Variants in SERPINI1 observed in about 807,000 individuals in gnomAD.
SERPINI1 encodes the protein serpin family I member 1, also known as neuroserpin.
SERPINI1 carries 19 observed loss-of-function variants against 41.1 expected under a neutral mutation model. The ratio of observed to expected loss-of-function variants is 0.46; its 90% confidence interval spans 0.32 to 0.68. The LOEUF (loss-of-function observed/expected upper bound fraction) is 0.68, where lower values mean the gene tolerates loss of function less well. SERPINI1 is among the 30% of genes least tolerant of loss of function. The probability of loss-of-function intolerance (pLI) is 0.03; values close to 1 mark genes in which losing one functional copy is unlikely to be tolerated. For missense variants in SERPINI1, 460 were observed against 479.2 expected (o/e 0.96, Z 0.37); for synonymous variants, 138 against 156.6 (o/e 0.88, Z 0.89).
intron 6 of SERPINI1, among the ~76,000 whole-genome samples, chr3:167,811,506 A>G (rs1033852612): frequency 6.6e-6 from 1 of 152,114 alleles, no homozygotes; most frequent in African/African-American, 2.4e-5. Context: ...AGAACAATAT[A>G]TGTATGTATA....
At chr3:167,739,833 G>C (rs911069082) in intron 1 of SERPINI1, among the ~76,000 whole-genome samples, 2 of 152,020 alleles carry the variant, frequency 1.3e-5, no homozygotes, top group African/African-American at 4.8e-5. Flanking sequence ...ATTGGTGTTA[G>C]AATTAAGAAT....
At chr3:167,759,899 C>A (rs1406937441) in intron 1 of SERPINI1, among the ~76,000 whole-genome samples, 2 of 152,134 alleles carry the variant, frequency 1.3e-5, no homozygotes, top group Non-Finnish European at 2.9e-5. Flanking sequence ...TGTTTTTATT[C>A]ATATTCTGAC....
At chr3:167,813,378 G>A (rs1342386618) in intron 6 of SERPINI1, among the ~76,000 whole-genome samples, 2 of 152,104 alleles carry the variant, frequency 1.3e-5, no homozygotes, top group African/African-American at 4.8e-5. Context: ...TAGCATCATC[G>A]TCAAAGCTCT....
intron 1 of SERPINI1, among the ~76,000 whole-genome samples, chr3:167,765,672 A>G (rs191409964): frequency 1.3e-3 from 198 of 152,370 alleles, no homozygotes; most frequent in Non-Finnish European, 1.6e-3. Context: ...CTCAAAAAAT[A>G]GAATTTTCTT....
chr3:167,818,905 G>T (rs1712218925), intron 6 of SERPINI1, among the ~76,000 whole-genome samples: 1 of 152,146 alleles, frequency 6.6e-6, no homozygotes, highest in Non-Finnish European at 1.5e-5. Flanking sequence ...ATATTATGTG[G>T]TGTCTTTGAG....
At chr3:167,793,596 A>ATATATATATATATATATATTTTTTTTT in intron 4 of SERPINI1, among the ~76,000 whole-genome samples, 1 of 140,610 alleles carries the variant, frequency 7.1e-6, no homozygotes, top group African/African-American at 2.7e-5. Flanking sequence ...ATATATATAT[A>ATATATATATATATATATATTTTTTTTT]TTTTTAATTA....
chr3:167,756,195 C>T (rs1174104370), intron 1 of SERPINI1, among the ~76,000 whole-genome samples: 1 of 152,176 alleles, frequency 6.6e-6, no homozygotes, highest in African/African-American at 2.4e-5. Flanking sequence ...AATTCAGCTG[C>T]TTTCAGTCAA....
At chr3:167,782,905 G>A (rs1049369177) in intron 1 of SERPINI1, among the ~76,000 whole-genome samples, 1 of 152,136 alleles carries the variant, frequency 6.6e-6, no homozygotes, top group African/African-American at 2.4e-5. Context: ...GATGCAAAAC[G>A]GAGTCTGGCT....
intron 1 of SERPINI1, among the ~76,000 whole-genome samples, chr3:167,755,758 T>C (rs188920132): frequency 2.0e-5 from 3 of 152,144 alleles, no homozygotes; most frequent in Admixed American, 2.0e-4. Context: ...ACCTAAAGCC[T>C]ATATTATTAG....
At chr3:167,802,887 A>G (rs951832094) in intron 5 of SERPINI1, among the ~76,000 whole-genome samples, 1 of 150,394 alleles carries the variant, frequency 6.6e-6, no homozygotes, top group Non-Finnish European at 1.5e-5. Context: ...CAAATGTCCA[A>G]CAATGATAGA....
chr3:167,756,279 T>A (rs1160675219), intron 1 of SERPINI1, among the ~76,000 whole-genome samples: 4 of 152,036 alleles, frequency 2.6e-5, no homozygotes, highest in Non-Finnish European at 4.4e-5. Flanking sequence ...ATTTTACAAT[T>A]TCTCCCACCA....
intron 1 of SERPINI1, among the ~76,000 whole-genome samples, chr3:167,772,891 T>TAC (rs1726829499): frequency 4.1e-5 from 3 of 73,692 alleles, no homozygotes; most frequent in East Asian, 3.8e-4. Flanking sequence ...TATATATATA[T>TAC]ATACACACAC....
At chr3:167,761,056 G>A (rs1726364394) in intron 1 of SERPINI1, among the ~76,000 whole-genome samples, 1 of 152,152 alleles carries the variant, frequency 6.6e-6, no homozygotes, top group Non-Finnish European at 1.5e-5. Flanking sequence ...CCTAGAGAGG[G>A]AGAAAACAGT....
At chr3:167,801,124 T>C (rs562064412) in intron 5 of SERPINI1, among the ~76,000 whole-genome samples, 20 of 152,340 alleles carry the variant, frequency 1.3e-4, no homozygotes, top group Non-Finnish European at 2.2e-4. Flanking sequence ...GGCCCTGATT[T>C]TGTTTTTTAA....
rs762267952 is a variant in SERPINI1, at chr3:167,792,778, T to A, written c.670T>A (p.Tyr224Asn). ...IPMMYQQGEF[Y>N]YGEFSDGSNE... ...AATGATGTATCAGCAAGGAGAATTT[T>A]ATTATGGTAAGACATTTTTTGCTTT... The change falls in exon 4 of 9, where the codon TAT becomes AAT. Residue 224 changes from tyrosine (Y) to asparagine (N), a missense_variant. Physicochemically the swap from Tyr to Asn is moderately radical, Grantham distance 143 (BLOSUM62 -2). Transcript: ENST00000446050. 1.2e-6 allele frequency: 2 copies of A among 1,612,790 alleles called. No homozygotes were observed. The highest frequency in any genetic ancestry group is 2.2e-5 in the South Asian group (2 of 91,032).
intron 1 of SERPINI1, among the ~76,000 whole-genome samples, chr3:167,769,000 G>A (rs1726655308): frequency 6.6e-6 from 1 of 151,714 alleles, no homozygotes; most frequent in African/African-American, 2.4e-5. Context: ...TTGTTTGTTT[G>A]TTTGTTTGTT....
intron 3 of SERPINI1, among the ~76,000 whole-genome samples, chr3:167,792,366 C>CAT (rs34567506): frequency 3.5e-4 from 52 of 149,972 alleles, no homozygotes; most frequent in Admixed American, 1.5e-3. Context: ...TATATACACA[C>CAT]ATATATATAT....
rs1712453101 is a variant in SERPINI1, at chr3:167,824,580, A to G, written c.1156+18A>G. On this transcript the variant is annotated intron_variant, in intron 8 of 8. Coordinates refer to ENST00000446050, the MANE Select transcript of SERPINI1 (RefSeq NM_001122752.2). Reference sequence around the variant, plus strand: ...GAGAACTGGTAAGTTTATTATGAAAACAAAATTTTATTTAATAGGTCACAA... The same window carrying G: ...GAGAACTGGTAAGTTTATTATGAAAGCAAAATTTTATTTAATAGGTCACAA... 6.5e-7 allele frequency: 1 copy of G among 1,545,798 alleles called. No individual in the cohort carries two copies. The highest frequency in any genetic ancestry group is 1.1e-5 in the South Asian group (1 of 89,610).
At chr3:167,765,419 C>G (rs182025969) in intron 1 of SERPINI1, among the ~76,000 whole-genome samples, 17 of 152,326 alleles carry the variant, frequency 1.1e-4, no homozygotes, top group Admixed American at 4.6e-4. Flanking sequence ...CTACATTGTC[C>G]CCTTTCAGCC....
Sources: gnomAD v4.1 joint callset for allele counts (sites outside exome capture counted in the v4.1 genomes callset) on GRCh38, gnomAD v4.1.1 for gene constraint, MANE v1.5 for transcripts, NCBI Gene and HGNC (gene_info 2026-07-23, HGNC 2026-07-21) for gene names.